The following SEMA5B variants were observed in gnomAD, a reference collection of about 807,000 sequenced individuals.
SEMA5B encodes semaphorin-5B.
SEMA5B carries 66 observed loss-of-function variants against 135.0 expected under a neutral mutation model. The observed-to-expected ratio is 0.49, with a 90% CI of 0.40 to 0.60. The LOEUF is 0.60. SEMA5B is among the 20% of genes least tolerant of loss of function. SEMA5B has a pLI of 0.00. For missense variants in SEMA5B, 1,501 were observed against 1,566.3 expected (o/e 0.96, Z 0.70); for synonymous variants, 690 against 639.5 (o/e 1.08, Z -1.19).
intron 1 of SEMA5B, among the ~76,000 whole-genome samples, chr3:123,021,575 C>T (rs558314905): frequency 2.6e-5 from 4 of 152,092 alleles, no homozygotes; most frequent in East Asian, 3.9e-4. Flanking sequence ...GGAGGCCTTC[C>T]GGACAATGGC....
At chr3:122,938,162 T>C (rs1939384816) in intron 5 of SEMA5B, among the ~76,000 whole-genome samples, 1 of 152,232 alleles carries the variant, frequency 6.6e-6, no homozygotes, top group South Asian at 2.1e-4. Context: ...GGCAAGGTAC[T>C]GGGCCTGATT....
intron 1 of SEMA5B, among the ~76,000 whole-genome samples, chr3:122,975,728 G>A (rs1025133069): frequency 2.0e-5 from 3 of 151,954 alleles, no homozygotes; most frequent in Admixed American, 1.3e-4. Flanking sequence ...TCCTAAGTAC[G>A]CTTCCTATCT....
intron 1 of SEMA5B, chr3:122,976,026 G>T (rs1012591554): frequency 3.3e-6 from 5 of 1,534,502 alleles, no homozygotes; most frequent in Non-Finnish European, 4.4e-6. Context: ...CTGCTTGCCC[G>T]TCCCTGTAGA....
At chr3:122,966,936 A>G (rs991193307) in intron 1 of SEMA5B, among the ~76,000 whole-genome samples, 2 of 144,182 alleles carry the variant, frequency 1.4e-5, no homozygotes, top group Non-Finnish European at 3.0e-5. Context: ...CCAGGCTGGA[A>G]TGCAATGGTG....
chr3:122,956,648 G>T (rs1940321930), intron 2 of SEMA5B, among the ~76,000 whole-genome samples: 2 of 152,124 alleles, frequency 1.3e-5, no homozygotes, highest in South Asian at 4.2e-4. Flanking sequence ...CCCAACAGGT[G>T]CCCCCTGCAC....
rs1937611707 is a variant in SEMA5B at position 122,909,986 on chromosome 3, G to A, written c.*157C>T. 8.1e-6 allele frequency: 6 copies of A among 744,786 alleles called. No individual in the cohort carries two copies. Among genetic ancestry groups the A allele is most frequent in the African/African-American group, 5.3e-5 (3 of 56,274 alleles). The allele number at this position is 744,786 out of a possible 1,614,324, so 46.1% of individuals were successfully genotyped here. On this transcript the variant is annotated 3_prime_UTR_variant, in exon 23 of 23. Transcript: ENST00000357599. ...GCCCTTTCCCCCATGGTCAATGCCA[G>A]CCAGAGCTCTCTGAAGCCGGATGGG... is the stretch of plus-strand genomic sequence containing the variant.
chr3:122,942,184 C>G (rs941606407), intron 4 of SEMA5B, among the ~76,000 whole-genome samples: 7 of 151,974 alleles, frequency 4.6e-5, no homozygotes, highest in Non-Finnish European at 2.9e-5. Flanking sequence ...TCACAGCAGC[C>G]CTGTGAGACT....
chr3:123,002,453 G>A (rs750652784), intron 1 of SEMA5B, among the ~76,000 whole-genome samples: 24 of 152,216 alleles, frequency 1.6e-4, no homozygotes, highest in Non-Finnish European at 3.1e-4. Context: ...TTGCTGCAAA[G>A]CTTGCAAGAG....
intron 1 of SEMA5B, among the ~76,000 whole-genome samples, chr3:123,011,931 C>G (rs182249709): frequency 3.1e-4 from 47 of 152,302 alleles, no homozygotes; most frequent in Non-Finnish European, 6.2e-4. Context: ...TCTGCCTCCT[C>G]GAATTGCTTG....
chr3:123,021,346 G>A (rs749274491), intron 1 of SEMA5B, among the ~76,000 whole-genome samples: 4 of 152,176 alleles, frequency 2.6e-5, no homozygotes, highest in Non-Finnish European at 2.9e-5. Flanking sequence ...GCTTCCCCCA[G>A]GCGCCTTGAG....
At chr3:123,016,663 C>G (rs1942565749) in intron 1 of SEMA5B, among the ~76,000 whole-genome samples, 1 of 152,114 alleles carries the variant, frequency 6.6e-6, no homozygotes, top group Non-Finnish European at 1.5e-5. Flanking sequence ...CAGCCTTGAG[C>G]TCCTGGGCTC....
rs988732371 is a variant in SEMA5B at position 122,949,796 on chromosome 3, G to T, written c.125-1087C>A. ...ATAAACTGGTTCATCTGACCTTGTGGCCCCCCGACCCAGGAACTGAACTCA... is the reference window on the plus strand; with the variant it reads ...ATAAACTGGTTCATCTGACCTTGTGTCCCCCCGACCCAGGAACTGAACTCA... On this transcript the variant is annotated intron_variant, in intron 2 of 22. Transcript: ENST00000357599. Among the ~76,000 whole-genome samples, 11 of 152,076 alleles carry T rather than the reference G, an allele frequency of 7.2e-5. No homozygotes were observed. In the South Asian group the frequency reaches 2.1e-3, roughly 29 times the overall value.
Position 122,928,508 on chromosome 3 carries a change from G to A in SEMA5B, c.636+9C>T. The A allele has an allele frequency of 6.4e-7, 1 of 1,550,636 alleles. No homozygotes were observed. The highest frequency in any genetic ancestry group is 8.7e-7 in the Non-Finnish European group (1 of 1,146,114). On this transcript the variant is annotated intron_variant, in intron 7 of 22. Coordinates refer to ENST00000357599, the MANE Select transcript of SEMA5B (RefSeq NM_001031702.4). ...CCCCCTTCAGTCTCCTCCACCCTGA[G>A]GTGCCCACCTGTCTGCTGGTGCACA...
chr3:122,929,801 TGTG>T (rs1455001039), intron 5 of SEMA5B, among the ~76,000 whole-genome samples: 1 of 152,158 alleles, frequency 6.6e-6, no homozygotes, highest in Non-Finnish European at 1.5e-5. Context: ...ACAGCTTTCA[TGTG>T]GGGACCTGCA....
At chr3:122,926,260 G>T in intron 9 of SEMA5B, 132 bp downstream of exon 9, 2 of 871,872 alleles carry the variant, frequency 2.3e-6, no homozygotes, top group Non-Finnish European at 3.5e-6. Context: ...GAAGCAGTAA[G>T]TCACAAAATC....
intron 1 of SEMA5B, among the ~76,000 whole-genome samples, chr3:123,024,639 G>C (rs1248549765): frequency 6.6e-6 from 1 of 152,016 alleles, no homozygotes; most frequent in African/African-American, 2.4e-5. Context: ...AATCTTAATG[G>C]GCCCTGAGAA....
intron 1 of SEMA5B, among the ~76,000 whole-genome samples, chr3:122,969,583 G>A (rs1288536177): frequency 6.6e-6 from 1 of 152,162 alleles, no homozygotes; most frequent in East Asian, 1.9e-4. Flanking sequence ...AGAGCTCCCA[G>A]CTCCACTCCC....
chr3:122,921,442 T>G (rs1182210831), intron 12 of SEMA5B, among the ~76,000 whole-genome samples: 1 of 152,136 alleles, frequency 6.6e-6, no homozygotes. Flanking sequence ...GCAGCAGCCC[T>G]CTCTACCTCT....
At chr3:123,009,531 G>A (rs201941988) in intron 1 of SEMA5B, among the ~76,000 whole-genome samples, 1 of 145,730 alleles carries the variant, frequency 6.9e-6, no homozygotes, top group African/African-American at 2.7e-5. Flanking sequence ...GTGTATGTGT[G>A]TCTGTGTGTG....
Sources: gnomAD v4.1 joint callset for allele counts (sites outside exome capture counted in the v4.1 genomes callset) on GRCh38, gnomAD v4.1.1 for gene constraint, MANE v1.5 for transcripts, NCBI Gene and HGNC (gene_info 2026-07-23, HGNC 2026-07-21) for gene names.